ATXN2: variants seen among roughly 807,000 people sequenced by gnomAD.
ATXN2 encodes ataxin 2, also known as ataxin-2.
ATXN2 carries 37 observed loss-of-function variants against 138.6 expected under a neutral mutation model. The observed-to-expected ratio is 0.27, with a 90% CI of 0.21 to 0.35. The LOEUF is 0.35. Among genes scored for constraint, ATXN2 ranks in the 10% least tolerant of loss-of-function variants. The pLI, the probability that ATXN2 is intolerant of heterozygous loss-of-function variation, is 1.00. For synonymous variants in ATXN2, 549 were observed against 543.7 expected (o/e 1.01, Z -0.13); for missense variants, 1,216 against 1,480.3 (o/e 0.82, Z 2.93).
chr12:111,581,313 G>C (rs1468868087), intron 1 of ATXN2: 1 of 507,650 alleles, frequency 2.0e-6, no homozygotes, highest in Admixed American at 2.7e-5. Context: ...AAACTACCAG[G>C]GAAAGGGAGG....
chr12:111,456,190 G>T lies in ATXN2; in HGVS notation c.3109C>A (p.His1037Asn). 6.2e-7 allele frequency: 1 copy of T among 1,614,260 alleles called. No individual in the cohort carries two copies. The highest frequency in any genetic ancestry group is 1.1e-5 in the South Asian group (1 of 91,086). Residue 1037 changes from histidine (H) to asparagine (N), a missense_variant, in exon 23 of 25, where the codon CAC (histidine) becomes AAC (asparagine). By Grantham distance (68) the His-to-Asn change is moderately conservative (BLOSUM62 1). Coordinates refer to ENST00000673436, the MANE Select transcript of ATXN2 (RefSeq NM_001372574.1). ...GGTGGAGTTGGCGCAAGCCCCGCGT[G>T]GTAAATGGCTGACTGCTGCTGTGGA... ...ASPQQQSAIY[H>N]AGLAPTPPSM...
chr12:111,532,026 T>G (rs573563623), intron 5 of ATXN2, among the ~76,000 whole-genome samples: 1 of 152,344 alleles, frequency 6.6e-6, no homozygotes, highest in African/African-American at 2.4e-5. Context: ...GTTTAATAAC[T>G]ATTATAAATT....
At chr12:111,546,599 G>A (rs906350073) in intron 5 of ATXN2, among the ~76,000 whole-genome samples, 3 of 152,006 alleles carry the variant, frequency 2.0e-5, no homozygotes, top group Non-Finnish European at 4.4e-5. Flanking sequence ...TTGAGTTGGA[G>A]TAAAGAGGAA....
intron 20 of ATXN2, chr12:111,469,021 A>G (rs1016580725): frequency 2.0e-5 from 3 of 152,126 alleles, no homozygotes; most frequent in African/African-American, 7.2e-5. Flanking sequence ...AAATAACTCA[A>G]TTTTGCCTAA....
In ATXN2 at chr12:111,518,256, A is replaced by T; in HGVS notation, c.1158T>A (p.Val386=). The T allele has an allele frequency of 6.3e-7, 1 of 1,592,910 alleles. No homozygotes were observed. The change falls in exon 9 of 25, where the codon GTT becomes GTA. Residue 386 remains valine (V), a synonymous_variant. Transcript: ENST00000673436. ...TCTGGTCAAAATACTTGCCTCCATT[A>T]ACTACTCTTTGGTCTGAACCAGAAT... ...NPNSGSDQRV[V]NGGVPWPSPC...
intron 18 of ATXN2, among the ~76,000 whole-genome samples, chr12:111,476,315 A>G (rs1876811479): frequency 6.6e-6 from 1 of 152,226 alleles, no homozygotes; most frequent in East Asian, 1.9e-4. Context: ...TCATGATTAA[A>G]AAGAAAACAA....
intron 14 of ATXN2, among the ~76,000 whole-genome samples, chr12:111,508,549 C>T (rs544705969): frequency 2.1e-5 from 3 of 143,030 alleles, no homozygotes; most frequent in Admixed American, 7.5e-5. Flanking sequence ...TGGGTTCAAG[C>T]GATTATCCTG....
chr12:111,491,022 C>T (rs1342004601), intron 14 of ATXN2, among the ~76,000 whole-genome samples: 1 of 151,990 alleles, frequency 6.6e-6, no homozygotes, highest in African/African-American at 2.4e-5. Context: ...GAGGCCGAGG[C>T]GGACGGATAA....
At chr12:111,486,573 T>C (rs1158531661) in intron 16 of ATXN2, among the ~76,000 whole-genome samples, 188 bp downstream of exon 16, 1 of 152,168 alleles carries the variant, frequency 6.6e-6, no homozygotes. Flanking sequence ...TCACATCTAA[T>C]TGATGACAAA....
intron 1 of ATXN2, among the ~76,000 whole-genome samples, chr12:111,570,433 A>C (rs1024905067): frequency 3.0e-4 from 46 of 152,288 alleles, no homozygotes; most frequent in African/African-American, 1.1e-3. Flanking sequence ...TAAAAACCTT[A>C]TTAGCGTTTA....
Position 111,470,603 on chromosome 12 carries a change from G to A in ATXN2, c.2664C>T (p.Phe888=), listed in dbSNP as rs1185835784. Residue 888 remains phenylalanine (F), a synonymous_variant, in exon 19 of 25, where the codon TTC becomes TTT. Transcript: ENST00000673436. ...TQYVAYSPQQ[F]PNQPLVQHVP... is the part of the protein sequence containing the mutation. Reference sequence around the variant, plus strand: ...CATGCTGAACAAGGGGCTGATTTGGGAACTGCTGAGGACTGTAGGCAACAT... The same window carrying A: ...CATGCTGAACAAGGGGCTGATTTGGAAACTGCTGAGGACTGTAGGCAACAT... 1 of 1,614,130 alleles carries A rather than the reference G, an allele frequency of 6.2e-7. No homozygotes were observed.
intron 18 of ATXN2, among the ~76,000 whole-genome samples, chr12:111,483,383 G>A (rs1456586984): frequency 7.1e-6 from 1 of 141,516 alleles, no homozygotes; most frequent in African/African-American, 2.7e-5. Flanking sequence ...ACTGATAGCA[G>A]TTAATCACTC....
chr12:111,557,810 G>A (rs1331887434), intron 1 of ATXN2, among the ~76,000 whole-genome samples: 1 of 152,102 alleles, frequency 6.6e-6, no homozygotes, highest in Non-Finnish European at 1.5e-5. Flanking sequence ...GTGTGGGGGG[G>A]TGTACTTATA....
intron 11 of ATXN2, chr12:111,513,077 G>A: frequency 2.7e-6 from 1 of 370,522 alleles, no homozygotes; most frequent in Non-Finnish European, 4.8e-6. Flanking sequence ...GAACCTTATA[G>A]GAATCTCATC....
intron 1 of ATXN2, among the ~76,000 whole-genome samples, chr12:111,563,719 T>C (rs60443842): frequency 0.1 from 15,295 of 152,148 alleles, 2,563 homozygotes; most frequent in African/African-American, 0.35. Flanking sequence ...TATGTTTAAG[T>C]AAAATGTTTT....
In ATXN2 at chr12:111,516,043, A is replaced by C; in HGVS notation, c.1375+111T>G. 9 of 1,046,532 alleles carry C rather than the reference A, an allele frequency of 8.6e-6. No homozygotes were observed. Among genetic ancestry groups the C allele is most frequent in the Non-Finnish European group, 1.2e-5 (9 of 751,982 alleles). The allele number at this position is 1,046,532 out of a possible 1,614,324, so 64.8% of individuals were successfully genotyped here. On this transcript the variant is annotated intron_variant, in intron 10 of 24. Coordinates refer to ENST00000673436, the MANE Select transcript of ATXN2 (RefSeq NM_001372574.1). The surrounding 1 kb of genome is among the most constrained non-coding windows in gnomAD (Gnocchi z 5.0). ...AGTTTTAATAAACTAAAGTTAAAAC[A>C]CAGAAATTATAGGTTATTAAATAAT...
In ATXN2 at chr12:111,510,551, G is replaced by A. The variant is rs1303248631; in HGVS notation, c.1590C>T (p.Pro530=). 1.9e-6 allele frequency: 3 copies of A among 1,613,338 alleles called. No homozygotes were observed. In the African/African-American group the frequency reaches 4.0e-5, roughly 22 times the overall value. Residue 530 remains proline (P), a synonymous_variant, in exon 12 of 25, where the codon CCC becomes CCT. Coordinates refer to ENST00000673436, the MANE Select transcript of ATXN2 (RefSeq NM_001372574.1). ...CAATACTGTTCTGTCTGGGAGACCTGGGTCTATGAGTTTTAGGGGATAATC... is the reference window on the plus strand; with the variant it reads ...CAATACTGTTCTGTCTGGGAGACCTAGGTCTATGAGTTTTAGGGGATAATC... ...VPRLSPKTHR[P]RSPRQNSIGN...
intron 5 of ATXN2, among the ~76,000 whole-genome samples, chr12:111,548,723 G>A (rs1881966454): frequency 6.6e-6 from 1 of 152,156 alleles, no homozygotes; most frequent in Admixed American, 6.6e-5. Flanking sequence ...AAAGGGGACT[G>A]TGAGGCAAGA....
chr12:111,594,378 T>C (rs1241756686), intron 1 of ATXN2, among the ~76,000 whole-genome samples: 2 of 151,670 alleles, frequency 1.3e-5, no homozygotes, highest in African/African-American at 4.8e-5. Flanking sequence ...TCACTCTGTC[T>C]CCCAGGCTGG....
Sources: gnomAD v4.1 joint callset for allele counts (sites outside exome capture counted in the v4.1 genomes callset) on GRCh38, gnomAD v4.1.1 for gene constraint, Gnocchi (gnomAD v3.1) non-coding constraint, MANE v1.5 for transcripts, NCBI Gene and HGNC (gene_info 2026-07-23, HGNC 2026-07-21) for gene names.